Variants in B4GALNT3 observed in about 807,000 individuals in gnomAD.
The protein encoded by B4GALNT3 is beta-1,4-N-acetylgalactosaminyltransferase 3.
B4GALNT3 carries 86 observed loss-of-function variants against 120.2 expected under a neutral mutation model. That is an observed-to-expected ratio of 0.72 (90% CI 0.60 to 0.86). B4GALNT3 has a LOEUF of 0.86. Among genes scored for constraint, B4GALNT3 ranks in the 40% least tolerant of loss-of-function variants. The pLI is 0.00. For synonymous variants in B4GALNT3, 518 were observed against 510.4 expected, an observed-to-expected ratio of 1.01 and a Z score of -0.20; for missense variants, 1,167 against 1,298.9, an observed-to-expected ratio of 0.90 and a Z score of 1.56.
chr12:461,504 A>T (rs1946022232), intron 1 of B4GALNT3, among the ~76,000 whole-genome samples: 1 of 152,210 alleles, frequency 6.6e-6, no homozygotes, highest in African/African-American at 2.4e-5. Flanking sequence ...TGGGAAAAGA[A>T]ATGGAGAAAC....
At chr12:523,756 A>G (rs748125) in intron 1 of B4GALNT3, among the ~76,000 whole-genome samples, 25,231 of 152,200 alleles carry the variant, frequency 0.17, 3,542 homozygotes, top group East Asian at 0.41. Flanking sequence ...ATGTGAATCA[A>G]CTCCGATAGA....
chr12:500,865 C>CTTTTT (rs55927726), intron 1 of B4GALNT3, among the ~76,000 whole-genome samples: 7,689 of 61,472 alleles, frequency 0.13, 2,136 homozygotes, highest in African/African-American at 0.18. Flanking sequence ...GGCTCCACTG[C>CTTTTT]TTTTTTTTTT....
At chr12:527,922 G>GGTGTGT (rs375254687) in intron 1 of B4GALNT3, among the ~76,000 whole-genome samples, 1 of 151,220 alleles carries the variant, frequency 6.6e-6, no homozygotes, top group Non-Finnish European at 1.5e-5. Flanking sequence ...ATGGTCTGGG[G>GGTGTGT]GTGTGTGTGT....
intron 13 of B4GALNT3, chr12:552,933 G>C: frequency 3.7e-6 from 2 of 535,936 alleles, no homozygotes; most frequent in Non-Finnish European, 6.6e-6. Flanking sequence ...CACCTGCCGG[G>C]CATGTGATGC....
Position 535,170 on chromosome 12 carries a change from C to T in B4GALNT3, c.174C>T (p.Tyr58=), listed in dbSNP as rs772614754. 2.0e-5 allele frequency: 32 copies of T among 1,611,892 alleles called. No homozygotes were observed. Among genetic ancestry groups the T allele is most frequent in the South Asian group, 1.6e-4 (15 of 90,962 alleles). ...QVGGNPLNRR[Y]GSWRELAKAL... The stretch of plus-strand genomic sequence containing the variant: ...TCCTCTCTTCCCCTTCCACAGGGTA[C>T]GGCAGCTGGAGAGAACTGGCCAAGG... Residue 58 remains tyrosine (Y), a synonymous_variant, in exon 2 of 20, where the codon TAC becomes TAT. Transcript: ENST00000266383.
chr12:545,294 G>GAC (rs1946979303), intron 5 of B4GALNT3, 75 bp from the exon 6 acceptor site: 1 of 1,534,852 alleles, frequency 6.5e-7, no homozygotes, highest in African/African-American at 1.4e-5. Flanking sequence ...TAATCGCTAA[G>GAC]ACACTCACAA....
At chr12:543,389 G>A (rs531482671) in intron 3 of B4GALNT3, among the ~76,000 whole-genome samples, 270 of 150,044 alleles carry the variant, frequency 1.8e-3, no homozygotes, top group Non-Finnish European at 3.1e-3. Flanking sequence ...TCATCCTCCT[G>A]GAGCTGAGGA....
intron 1 of B4GALNT3, among the ~76,000 whole-genome samples, chr12:522,941 TA>T (rs61096976): frequency 6.2e-4 from 36 of 58,026 alleles, no homozygotes; most frequent in East Asian, 1.9e-3. Context: ...AGACTCTGTT[TA>T]AAAAAAAAAA....
chr12:487,656 T>A (rs1014763111), intron 1 of B4GALNT3, among the ~76,000 whole-genome samples: 3 of 149,568 alleles, frequency 2.0e-5, no homozygotes, highest in African/African-American at 7.4e-5. Context: ...GAGGTTGCAG[T>A]GAGCCGAGAT....
At chr12:518,860 C>G (rs1448688819) in intron 1 of B4GALNT3, among the ~76,000 whole-genome samples, 1 of 151,994 alleles carries the variant, frequency 6.6e-6, no homozygotes, top group Non-Finnish European at 1.5e-5. Flanking sequence ...TGAATATTTT[C>G]AATCGCTATT....
At chr12:543,995 C>T (rs1347846471) in intron 3 of B4GALNT3, among the ~76,000 whole-genome samples, 2 of 98,638 alleles carry the variant, frequency 2.0e-5, no homozygotes, top group African/African-American at 4.1e-5. Flanking sequence ...GGAGCTGGGG[C>T]GGGCATGGGG....
intron 1 of B4GALNT3, among the ~76,000 whole-genome samples, chr12:473,855 G>T (rs943204195): frequency 2.6e-5 from 4 of 152,168 alleles, no homozygotes; most frequent in Non-Finnish European, 5.9e-5. Context: ...AACAGATCGG[G>T]ATTTGAGATG....
intron 1 of B4GALNT3, among the ~76,000 whole-genome samples, chr12:465,028 A>G (rs1946063229): frequency 6.6e-6 from 1 of 152,150 alleles, no homozygotes; most frequent in Non-Finnish European, 1.5e-5. Flanking sequence ...GGGAGAAGCA[A>G]ATGAGACAGA....
At chr12:528,337 C>T (rs1190584484) in intron 1 of B4GALNT3, among the ~76,000 whole-genome samples, 1 of 152,130 alleles carries the variant, frequency 6.6e-6, no homozygotes, top group African/African-American at 2.4e-5. Flanking sequence ...GCCATCCTCC[C>T]ACCTCAGCCT....
intron 1 of B4GALNT3, among the ~76,000 whole-genome samples, chr12:467,357 G>A (rs954905867): frequency 3.3e-5 from 5 of 152,260 alleles, no homozygotes; most frequent in South Asian, 2.1e-4. Context: ...TCAGGAGTTC[G>A]AGACCAGCCC....
In B4GALNT3 at chr12:556,585, G is replaced by T. The variant is rs774931975; in HGVS notation, c.2099G>T (p.Arg700Leu). The T allele has an allele frequency of 6.2e-7, 1 of 1,614,024 alleles. No individual in the cohort carries two copies. Among genetic ancestry groups the T allele is most frequent in the Non-Finnish European group, 8.5e-7 (1 of 1,180,012 alleles). ...CAGCGCATTGTGAACGTGGAAAAGC[G>T]TCAGGACCAGCTACGTGGGGGTCGC... ...QLQRIVNVEK[R>L]QDQLRGGRYL... The change falls in exon 15 of 20, where the codon CGT (arginine) becomes CTT (leucine). Residue 700 changes from arginine (R) to leucine (L), a missense_variant. Coordinates refer to ENST00000266383, the MANE Select transcript of B4GALNT3 (RefSeq NM_173593.4).
intron 11 of B4GALNT3, 77 bp from the exon 12 acceptor site, chr12:551,985 GC>G: frequency 8.9e-7 from 1 of 1,123,318 alleles, no homozygotes; most frequent in South Asian, 1.2e-5. Flanking sequence ...CCAGCCAGGG[GC>G]AGGCTTAACC....
intron 15 of B4GALNT3, among the ~76,000 whole-genome samples, chr12:557,085 GCT>G (rs1947165251): frequency 6.6e-6 from 1 of 152,178 alleles, no homozygotes; most frequent in Non-Finnish European, 1.5e-5. Context: ...ATAGGCCAGT[GCT>G]CTTTCTTTCG....
intron 1 of B4GALNT3, among the ~76,000 whole-genome samples, chr12:529,128 TGCCCAGGGACAA>T (rs1467931314): frequency 6.6e-6 from 1 of 152,144 alleles, no homozygotes; most frequent in Admixed American, 6.5e-5. Context: ...TGCATACCCT[TGCCCAGGGACAA>T]GCCCTTTCTA....
Sources: allele counts gnomAD v4.1 joint callset (sites outside exome capture counted in the v4.1 genomes callset), GRCh38; gene constraint gnomAD v4.1.1; transcripts MANE v1.5; gene names NCBI Gene and HGNC (gene_info 2026-07-23, HGNC 2026-07-21).